ZNF704: variants seen among roughly 807,000 people sequenced by gnomAD.
The protein encoded by ZNF704 is zinc finger protein 704.
In ZNF704, 10 loss-of-function variants were observed where a neutral mutation model predicts 44.7. That is an observed-to-expected ratio of 0.22 (90% confidence interval 0.14 to 0.38). The LOEUF is 0.38. Among genes scored for constraint, ZNF704 ranks in the 10% least tolerant of loss-of-function variants. The pLI, the probability that ZNF704 is intolerant of heterozygous loss-of-function variation, is 1.00. For missense variants in ZNF704, 390 were observed against 545.5 expected (o/e 0.71, Z 2.84); for synonymous variants, 211 against 207.6 (o/e 1.02, Z -0.14).
chr8:80,793,666 A>G (rs1050305799), intron 2 of ZNF704, among the ~76,000 whole-genome samples: 1 of 152,102 alleles, frequency 6.6e-6, no homozygotes, highest in East Asian at 1.9e-4. Flanking sequence ...TTCTTTATCT[A>G]TATTTACAAA....
chr8:80,789,180 G>T (rs1192143553), intron 2 of ZNF704, among the ~76,000 whole-genome samples: 1 of 152,056 alleles, frequency 6.6e-6, no homozygotes, highest in Admixed American at 6.6e-5. Flanking sequence ...TTCTACAAAA[G>T]AGAAAAACAG....
At chr8:80,858,668 C>A (rs1809004629) in intron 1 of ZNF704, among the ~76,000 whole-genome samples, 1 of 151,218 alleles carries the variant, frequency 6.6e-6, no homozygotes, top group Non-Finnish European at 1.5e-5. Context: ...CTGGGCAACA[C>A]AGCGAGATTC....
At chr8:80,865,431 C>G (rs538962886) in intron 1 of ZNF704, among the ~76,000 whole-genome samples, 2 of 152,314 alleles carry the variant, frequency 1.3e-5, no homozygotes, top group East Asian at 1.9e-4. Flanking sequence ...GTGGGGGCAG[C>G]TGGGAGGATC....
rs1817543237 is a variant in ZNF704, at chr8:80,628,915, C to T, written c.*12451G>A. 6.6e-6 allele frequency: 1 copy of T among 152,166 alleles called. No individual in the cohort carries two copies. Among genetic ancestry groups the T allele is most frequent in the Non-Finnish European group, 1.5e-5 (1 of 68,026 alleles). The allele number at this position is 152,166 out of a possible 1,614,324, so 9.4% of individuals were successfully genotyped here. ...CATTTCAAGTAGATGCCAGCTGTCCCCTTGGGAAAGTGCAGTTTAACTGGT... is the reference window on the plus strand; with the variant it reads ...CATTTCAAGTAGATGCCAGCTGTCCTCTTGGGAAAGTGCAGTTTAACTGGT... On this transcript the variant is annotated 3_prime_UTR_variant, in exon 9 of 9. Transcript: ENST00000327835.
chr8:80,817,457 C>T (rs1296762911), intron 2 of ZNF704, among the ~76,000 whole-genome samples: 1 of 152,216 alleles, frequency 6.6e-6, no homozygotes, highest in Non-Finnish European at 1.5e-5. Flanking sequence ...GCCCTCTCTC[C>T]ATCACTGCGC....
intron 6 of ZNF704, among the ~76,000 whole-genome samples, chr8:80,661,555 T>C (rs1247478796): frequency 6.6e-6 from 1 of 152,126 alleles, no homozygotes; most frequent in East Asian, 1.9e-4. Flanking sequence ...TAAGTGTCCA[T>C]CAACAGATGA....
Position 80,633,389 on chromosome 8 carries a change from T to G in ZNF704, c.*7977A>C, listed in dbSNP as rs1817617199. ...ACCAAATTGGCTGAAATTTAGGGAT[T>G]AGGGATCTGCTACAGTAAAGGGATT... On this transcript the variant is annotated 3_prime_UTR_variant, in exon 9 of 9. Transcript: ENST00000327835. 1 of 152,196 alleles carries G rather than the reference T, an allele frequency of 6.6e-6. No homozygotes were observed. Among genetic ancestry groups the G allele is most frequent in the African/African-American group, 2.4e-5 (1 of 41,440 alleles). The allele number at this position is 152,196 out of a possible 1,614,324, so 9.4% of individuals were successfully genotyped here.
In ZNF704 at chr8:80,655,963, T is replaced by C. The variant is rs568863212; in HGVS notation, c.1032+3622A>G. 2.2e-4 allele frequency among the ~76,000 whole-genome samples: 34 copies of C among 152,296 alleles called. No individual in the cohort carries two copies. The South Asian group carries it at 7.0e-3, about 32-fold the overall frequency. ...ATACTTGCTTTCCTAGGGGCTGTTATAGATCGAATGTTTGTGTCCCTCAAA... is the reference window on the plus strand; with the variant it reads ...ATACTTGCTTTCCTAGGGGCTGTTACAGATCGAATGTTTGTGTCCCTCAAA... On this transcript the variant is annotated intron_variant, in intron 7 of 8. Coordinates refer to ENST00000327835, the MANE Select transcript of ZNF704 (RefSeq NM_001033723.3).
chr8:80,677,315 T>C (rs955749317), intron 4 of ZNF704, among the ~76,000 whole-genome samples: 3 of 152,360 alleles, frequency 2.0e-5, no homozygotes, highest in Admixed American at 6.5e-5. Flanking sequence ...TGCAATAATA[T>C]GTCAAGCATT....
chr8:80,739,197 A>T (rs1315859410), intron 2 of ZNF704, among the ~76,000 whole-genome samples: 2 of 152,200 alleles, frequency 1.3e-5, no homozygotes, highest in African/African-American at 4.8e-5. Context: ...CATTTTCTCC[A>T]AATCTTGGGC....
chr8:80,831,013 C>G (rs1485438675), intron 1 of ZNF704, among the ~76,000 whole-genome samples: 1 of 151,978 alleles, frequency 6.6e-6, no homozygotes, highest in Admixed American at 6.6e-5. Flanking sequence ...CTCAGCCTCC[C>G]AAAGTGCTGG....
chr8:80,792,419 A>ACT (rs1807724932), intron 2 of ZNF704, among the ~76,000 whole-genome samples: 1 of 152,104 alleles, frequency 6.6e-6, no homozygotes, highest in Non-Finnish European at 1.5e-5. Flanking sequence ...GTGGGGGCAT[A>ACT]CTCTAACATG....
intron 2 of ZNF704, among the ~76,000 whole-genome samples, chr8:80,709,904 T>C (rs1818958850): frequency 6.6e-6 from 1 of 152,104 alleles, no homozygotes; most frequent in African/African-American, 2.4e-5. Context: ...ATATCAGGGG[T>C]GTACTTCCAT....
In ZNF704 at chr8:80,793,481, ATATT is replaced by A. The variant is rs1807747537; in HGVS notation, c.221+27889_221+27892del. Among the ~76,000 whole-genome samples, 4 of 152,278 alleles carry A rather than the reference ATATT, an allele frequency of 2.6e-5. No individual in the cohort carries two copies. In the South Asian group the frequency reaches 8.3e-4, roughly 32 times the overall value. ...GATATTCATGAAATACATTCATAAT[ATATT>A]AATTATTATATTAAAAAGTTCAAAA... On this transcript the variant is annotated intron_variant, in intron 2 of 8. Coordinates refer to ENST00000327835, the MANE Select transcript of ZNF704 (RefSeq NM_001033723.3).
intron 4 of ZNF704, among the ~76,000 whole-genome samples, chr8:80,675,462 A>C (rs1249666128): frequency 1.4e-5 from 2 of 146,008 alleles, no homozygotes; most frequent in Non-Finnish European, 2.9e-5. Context: ...GTATGACTTA[A>C]GTTTTGTTTT....
At chr8:80,733,777 T>C (rs1005698141) in intron 2 of ZNF704, among the ~76,000 whole-genome samples, 2 of 152,346 alleles carry the variant, frequency 1.3e-5, no homozygotes, top group East Asian at 1.9e-4. Flanking sequence ...TCTTACTCAT[T>C]TTCCATATTT....
intron 2 of ZNF704, among the ~76,000 whole-genome samples, chr8:80,793,257 C>T (rs1807742613): frequency 6.6e-6 from 1 of 152,100 alleles, no homozygotes; most frequent in Admixed American, 6.5e-5. Flanking sequence ...CATGGGAACA[C>T]GGGAGAAAAA....
rs193064268 is a variant in ZNF704, at chr8:80,824,403, G to A, written c.-21-2788C>T. Among the ~76,000 whole-genome samples the A allele has an allele frequency of 3.7e-3, 566 of 152,284 alleles. 5 individuals are homozygous for A. The highest frequency in any genetic ancestry group is 0.013 in the African/African-American group (549 of 41,548). On this transcript the variant is annotated intron_variant, in intron 1 of 8. Transcript: ENST00000327835. ...AAAAGAGTAAAAAGAAACAAACAAAGCCTCCAAGAAATATGGGACTATGTG... is the reference window on the plus strand; with the variant it reads ...AAAAGAGTAAAAAGAAACAAACAAAACCTCCAAGAAATATGGGACTATGTG...
At chr8:80,696,710 G>A (rs755266342) in intron 2 of ZNF704, among the ~76,000 whole-genome samples, 1 of 152,186 alleles carries the variant, frequency 6.6e-6, no homozygotes, top group Non-Finnish European at 1.5e-5. Flanking sequence ...GAGCCAATGC[G>A]CCCGGCCAGA....
Sources: gnomAD v4.1 joint callset for allele counts (sites outside exome capture counted in the v4.1 genomes callset) on GRCh38, gnomAD v4.1.1 for gene constraint, MANE v1.5 for transcripts, NCBI Gene and HGNC (gene_info 2026-07-23, HGNC 2026-07-21) for gene names.